The following OSTN variants were observed in gnomAD, a reference collection of about 807,000 sequenced individuals.
The protein encoded by OSTN is osteocrin.
In OSTN, 9 loss-of-function variants were observed where a neutral mutation model predicts 12.0. The observed-to-expected ratio is 0.75, with a 90% CI of 0.45 to 1.30. The LOEUF (loss-of-function observed/expected upper bound fraction) is 1.30, where lower values mean the gene tolerates loss of function less well. OSTN is among the 50% of genes most tolerant of loss of function. OSTN has a pLI of 0.00. For synonymous variants in OSTN, 59 were observed against 56.9 expected, an observed-to-expected ratio of 1.04 and a Z score of -0.16; for missense variants, 148 against 152.3, an observed-to-expected ratio of 0.97 and a Z score of 0.15.
At chr3:191,255,353 C>A (rs1344055631) in intron 4 of OSTN, among the ~76,000 whole-genome samples, 2 of 152,106 alleles carry the variant, frequency 1.3e-5, no homozygotes, top group Admixed American at 1.3e-4. Context: ...GCTGCTTTAC[C>A]GCAAGTCAGG....
chr3:191,227,200 G>GA (rs1034375391), intron 3 of OSTN, among the ~76,000 whole-genome samples: 2 of 151,984 alleles, frequency 1.3e-5, no homozygotes, highest in East Asian at 1.9e-4. Flanking sequence ...GTCAATTCAT[G>GA]AAAAAAATGC....
chr3:191,263,494 C>A lies in OSTN; in HGVS notation c.*641C>A, dbSNP rs1210598869. 6.6e-6 allele frequency: 1 copy of A among 152,132 alleles called. No individual in the cohort carries two copies. Among genetic ancestry groups the A allele is most frequent in the Non-Finnish European group, 1.5e-5 (1 of 68,008 alleles). 9.4% of individuals were successfully genotyped at this position (152,132 alleles called of 1,614,324 possible). The stretch of plus-strand genomic sequence containing the variant: ...TTAGATATCACTTGTCCCCTAAAAA[C>A]TTTCCATTTTTCTAAATTCTGACAG... On this transcript the variant is annotated 3_prime_UTR_variant, in exon 5 of 5. Coordinates refer to ENST00000682035, the MANE Select transcript of OSTN (RefSeq NM_198184.2).
intron 2 of OSTN, among the ~76,000 whole-genome samples, chr3:191,217,365 A>G (rs1039291772): frequency 5.9e-5 from 9 of 151,952 alleles, no homozygotes; most frequent in African/African-American, 2.2e-4. Flanking sequence ...ATATCAAAAG[A>G]CAATAGAAGG....
At chr3:191,209,095 G>A (rs1714355352) in intron 1 of OSTN, among the ~76,000 whole-genome samples, 1 of 152,184 alleles carries the variant, frequency 6.6e-6, no homozygotes, top group South Asian at 2.1e-4. Context: ...GGAGGCAGAG[G>A]TTGCAGTGAG....
At position 191,212,737 on chromosome 3, in the gene OSTN, C is replaced by T. The variant is rs374324816; in HGVS notation, c.102+103C>T. The T allele has an allele frequency of 9.0e-5, 20 of 221,806 alleles. No individual in the cohort carries two copies. In the South Asian group the frequency reaches 9.8e-4, roughly 11 times the overall value. 13.7% of individuals were successfully genotyped at this position (221,806 alleles called of 1,614,324 possible). On this transcript the variant is annotated intron_variant, in intron 2 of 4. Transcript: ENST00000682035. ...TATATATTAAAATATATTTCATATACGTAAATATAATTTATATATTTATAT... is the reference window on the plus strand; with the variant it reads ...TATATATTAAAATATATTTCATATATGTAAATATAATTTATATATTTATAT...
chr3:191,201,041 A>G (rs995975758), intron 1 of OSTN, among the ~76,000 whole-genome samples: 2 of 152,160 alleles, frequency 1.3e-5, no homozygotes, highest in African/African-American at 2.4e-5. Flanking sequence ...ATCTCTCTTA[A>G]ATGAACCAAC....
chr3:191,210,120 C>T (rs1714380472), intron 1 of OSTN, among the ~76,000 whole-genome samples: 2 of 152,202 alleles, frequency 1.3e-5, no homozygotes, highest in Admixed American at 1.3e-4. Context: ...AAAGAGGAAG[C>T]AGGCACGTCT....
At chr3:191,233,795 A>C (rs1403263168) in intron 3 of OSTN, among the ~76,000 whole-genome samples, 1 of 152,144 alleles carries the variant, frequency 6.6e-6, no homozygotes, top group African/African-American at 2.4e-5. Flanking sequence ...GGAGTTTGAG[A>C]CCAGCATGAC....
intron 1 of OSTN, among the ~76,000 whole-genome samples, chr3:191,206,012 C>G (rs996877583): frequency 1.3e-5 from 2 of 152,082 alleles, no homozygotes; most frequent in Non-Finnish European, 2.9e-5. Context: ...TGGCGAAACC[C>G]TGTCTCTAGT....
At chr3:191,235,733 A>G (rs1054763264) in intron 3 of OSTN, among the ~76,000 whole-genome samples, 1 of 152,154 alleles carries the variant, frequency 6.6e-6, no homozygotes, top group Non-Finnish European at 1.5e-5. Flanking sequence ...CCCTGACAGA[A>G]AGCCCTTGGG....
chr3:191,241,593 G>C (rs1490518546), intron 3 of OSTN, among the ~76,000 whole-genome samples: 1 of 152,020 alleles, frequency 6.6e-6, no homozygotes, highest in East Asian at 1.9e-4. Context: ...CTGATTCCAA[G>C]TTTCTTTTCT....
intron 3 of OSTN, among the ~76,000 whole-genome samples, chr3:191,236,265 C>T (rs1161644120): frequency 1.3e-5 from 2 of 152,114 alleles, no homozygotes; most frequent in Non-Finnish European, 2.9e-5. Context: ...AGAAAGCATC[C>T]CATTTTAATA....
chr3:191,208,519 T>C (rs969214753), intron 1 of OSTN, among the ~76,000 whole-genome samples: 1 of 152,200 alleles, frequency 6.6e-6, no homozygotes, highest in African/African-American at 2.4e-5. Flanking sequence ...AACTCAGCAT[T>C]TATTTTTACA....
chr3:191,255,015 C>CTT (rs1467510662), intron 4 of OSTN, among the ~76,000 whole-genome samples: 2 of 152,168 alleles, frequency 1.3e-5, no homozygotes, highest in Non-Finnish European at 2.9e-5. Context: ...TGTCCCCAGG[C>CTT]TTTTCGGCGC....
At chr3:191,234,906 C>T (rs1715152017) in intron 3 of OSTN, among the ~76,000 whole-genome samples, 1 of 151,864 alleles carries the variant, frequency 6.6e-6, no homozygotes, top group Non-Finnish European at 1.5e-5. Context: ...TTTATATGTT[C>T]CAAAAAGATC....
intron 3 of OSTN, among the ~76,000 whole-genome samples, chr3:191,230,519 G>C (rs1037569481): frequency 1.1e-4 from 16 of 148,084 alleles, no homozygotes; most frequent in African/African-American, 2.8e-4. Context: ...AGCTGAGATC[G>C]GGCCACTGCA....
chr3:191,232,331 TAAAAAAAAAAAAAAAAAAA>T (rs61313474), intron 3 of OSTN, among the ~76,000 whole-genome samples: 1 of 67,496 alleles, frequency 1.5e-5, no homozygotes, highest in South Asian at 3.7e-4. Context: ...AGACTCTGTC[TAAAAAAAAAAAAAAAAAAA>T]AAAAAAAAAA....
intron 3 of OSTN, among the ~76,000 whole-genome samples, chr3:191,241,164 TGAC>T (rs1157815009): frequency 7.2e-6 from 1 of 138,316 alleles, no homozygotes; most frequent in Non-Finnish European, 1.5e-5. Context: ...CTCTGTGCCT[TGAC>T]TTTTTTTTTT....
rs1715852023 is a variant in OSTN, at chr3:191,263,320, T to C, written c.*467T>C. 1 of 153,512 alleles carries C rather than the reference T, an allele frequency of 6.5e-6. No individual in the cohort carries two copies. Among genetic ancestry groups the C allele is most frequent in the African/African-American group, 2.4e-5 (1 of 41,518 alleles). The allele number at this position is 153,512 out of a possible 1,614,324, so 9.5% of individuals were successfully genotyped here. The stretch of plus-strand genomic sequence containing the variant: ...TACTTTCACTTCCCTGTATTCCATT[T>C]TTCCAAGAGTCTGATCGGTAATAAT... On this transcript the variant is annotated 3_prime_UTR_variant, in exon 5 of 5. Coordinates refer to ENST00000682035, the MANE Select transcript of OSTN (RefSeq NM_198184.2).
Sources: allele counts gnomAD v4.1 joint callset (sites outside exome capture counted in the v4.1 genomes callset), GRCh38; gene constraint gnomAD v4.1.1; transcripts MANE v1.5; gene names NCBI Gene and HGNC (gene_info 2026-07-23, HGNC 2026-07-21).